The following PLCXD3 variants were observed in gnomAD, a reference collection of about 807,000 sequenced individuals.
PLCXD3 encodes the protein PI-PLC X domain-containing protein 3.
PLCXD3 carries 19 observed loss-of-function variants against 25.5 expected under a neutral mutation model. The observed-to-expected ratio is 0.75, with a 90% confidence interval of 0.52 to 1.09. The LOEUF (loss-of-function observed/expected upper bound fraction) is 1.09, where lower values mean the gene tolerates loss of function less well. PLCXD3 is among the 50% of genes least tolerant of loss of function. PLCXD3 has a pLI of 0.00. For synonymous variants in PLCXD3, 174 were observed against 137.6 expected, an observed-to-expected ratio of 1.26 and a Z score of -1.85; for missense variants, 411 against 388.1, an observed-to-expected ratio of 1.06 and a Z score of -0.50.
At position 41,382,320 on chromosome 5, in the gene PLCXD3, G is replaced by T; in HGVS notation, c.318C>A (p.Pro106=). The T allele has an allele frequency of 6.2e-7, 1 of 1,613,376 alleles. No homozygotes were observed. The highest frequency in any genetic ancestry group is 8.5e-7 in the Non-Finnish European group (1 of 1,179,694). The change falls in exon 2 of 3, where the codon CCC becomes CCA. Residue 106 remains proline (P), a synonymous_variant. Transcript: ENST00000377801. The part of the protein sequence containing the change: ...DLRISTKPRD[P]DNELYFAHGL... The stretch of plus-strand genomic sequence containing the variant: ...CATGAGCAAAATAGAGTTCATTGTC[G>T]GGGTCTCTGGGCTTGGTGGAAATTC...
intron 1 of PLCXD3, among the ~76,000 whole-genome samples, chr5:41,390,184 G>GT (rs545196395): frequency 5.3e-5 from 8 of 151,910 alleles, no homozygotes; most frequent in Non-Finnish European, 8.8e-5. Flanking sequence ...TGTATCAGTA[G>GT]TTTTTTTTCT....
chr5:41,313,507 T>C lies in PLCXD3; in HGVS notation c.*110A>G, dbSNP rs773941191. 6.7e-6 allele frequency: 9 copies of C among 1,345,100 alleles called. No individual in the cohort carries two copies. Among genetic ancestry groups the C allele is most frequent in the African/African-American group, 1.5e-5 (1 of 68,828 alleles). 83.3% of individuals were successfully genotyped at this position (1,345,100 alleles called of 1,614,324 possible). ...CCCTTTTCCCACCCACTACCAGCCCTATTCCCTTCAGAGACTCAGTGGAAT... is the reference window on the plus strand; with the variant it reads ...CCCTTTTCCCACCCACTACCAGCCCCATTCCCTTCAGAGACTCAGTGGAAT... On this transcript the variant is annotated 3_prime_UTR_variant, in exon 3 of 3. Transcript: ENST00000377801.
chr5:41,438,843 A>G (rs1362060989), intron 1 of PLCXD3, among the ~76,000 whole-genome samples: 3 of 152,146 alleles, frequency 2.0e-5, no homozygotes, highest in African/African-American at 4.8e-5. Flanking sequence ...TATATTGACT[A>G]AAGTCAGAGC....
At chr5:41,333,579 G>A (rs1293882588) in intron 2 of PLCXD3, among the ~76,000 whole-genome samples, 1 of 152,148 alleles carries the variant, frequency 6.6e-6, no homozygotes, top group Non-Finnish European at 1.5e-5. Flanking sequence ...ATTCATCTCT[G>A]TGTAGGAAGC....
chr5:41,353,845 A>G (rs1744541509), intron 2 of PLCXD3, among the ~76,000 whole-genome samples: 1 of 152,150 alleles, frequency 6.6e-6, no homozygotes, highest in South Asian at 2.1e-4. Context: ...TTATTTCTCT[A>G]CTGTGGGTAT....
chr5:41,432,967 T>A (rs1403699013), intron 1 of PLCXD3, among the ~76,000 whole-genome samples: 1 of 152,156 alleles, frequency 6.6e-6, no homozygotes, highest in Non-Finnish European at 1.5e-5. Flanking sequence ...CAGAACCAGT[T>A]TCTTATGTCA....
At chr5:41,321,577 C>A (rs948142144) in intron 2 of PLCXD3, among the ~76,000 whole-genome samples, 4 of 152,216 alleles carry the variant, frequency 2.6e-5, no homozygotes, top group Non-Finnish European at 5.9e-5. Context: ...ATAGAAAAAG[C>A]AAACCTAAAA....
chr5:41,329,950 A>G (rs1743744663), intron 2 of PLCXD3, among the ~76,000 whole-genome samples: 1 of 151,792 alleles, frequency 6.6e-6, no homozygotes, highest in Non-Finnish European at 1.5e-5. Flanking sequence ...CTTTATAACA[A>G]TTGTATTTCA....
At chr5:41,442,255 G>A (rs1747402314) in intron 1 of PLCXD3, among the ~76,000 whole-genome samples, 1 of 152,154 alleles carries the variant, frequency 6.6e-6, no homozygotes, top group Admixed American at 6.5e-5. Flanking sequence ...GATCTGACAA[G>A]GAGGCAAAAA....
chr5:41,470,195 A>C (rs1748119501), intron 1 of PLCXD3, among the ~76,000 whole-genome samples: 1 of 152,204 alleles, frequency 6.6e-6, no homozygotes, highest in Non-Finnish European at 1.5e-5. Context: ...AAAAACCATA[A>C]GAATTATGAT....
chr5:41,502,794 A>G (rs574185902), intron 1 of PLCXD3, among the ~76,000 whole-genome samples: 3 of 152,316 alleles, frequency 2.0e-5, no homozygotes, highest in Non-Finnish European at 2.9e-5. Flanking sequence ...CGTAGGACAG[A>G]AAAAGTGAGA....
chr5:41,350,150 T>C (rs1744411742), intron 2 of PLCXD3, among the ~76,000 whole-genome samples: 1 of 152,182 alleles, frequency 6.6e-6, no homozygotes, highest in Non-Finnish European at 1.5e-5. Flanking sequence ...CTCACGTTTT[T>C]AAGCCCAGTT....
chr5:41,320,507 A>C lies in PLCXD3; in HGVS notation c.813-6737T>G, dbSNP rs553166935. Among the ~76,000 whole-genome samples, 11 of 152,292 alleles carry C rather than the reference A, an allele frequency of 7.2e-5. No homozygotes were observed. The South Asian group carries it at 2.1e-3, about 29-fold the overall frequency. ...TAATGTTTTGGTTTTTTAATTTTTT[A>C]ATTTTTTGAGACGGAGTCTCGCTCT... is the stretch of plus-strand genomic sequence containing the variant. On this transcript the variant is annotated intron_variant, in intron 2 of 2. Transcript: ENST00000377801.
At chr5:41,487,776 TG>T (rs1748553996) in intron 1 of PLCXD3, among the ~76,000 whole-genome samples, 1 of 151,716 alleles carries the variant, frequency 6.6e-6, no homozygotes, top group Admixed American at 6.6e-5. Flanking sequence ...ACAAGAAGCC[TG>T]GAGGGTATGA....
At chr5:41,409,252 C>T (rs1357942375) in intron 1 of PLCXD3, among the ~76,000 whole-genome samples, 2 of 152,306 alleles carry the variant, frequency 1.3e-5, no homozygotes, top group African/African-American at 2.4e-5. Context: ...ACTGGATTAT[C>T]GGGAGCCTTG....
At position 41,460,625 on chromosome 5, in the gene PLCXD3, A is replaced by G. The variant is rs535980151; in HGVS notation, c.103+49799T>C. On this transcript the variant is annotated intron_variant, in intron 1 of 2. Coordinates refer to ENST00000377801, the MANE Select transcript of PLCXD3 (RefSeq NM_001005473.3). ...AGGAAATTAAGTGTGTTTGCACACA[A>G]ATAACTTTATCTAGTGAGCACTCAT... Among the ~76,000 whole-genome samples the G allele has an allele frequency of 2.6e-5, 4 of 152,130 alleles. No homozygotes were observed. The East Asian group carries it at 7.8e-4, about 30-fold the overall frequency.
chr5:41,436,066 T>C (rs1237950702), intron 1 of PLCXD3, among the ~76,000 whole-genome samples: 3 of 152,176 alleles, frequency 2.0e-5, no homozygotes, highest in Admixed American at 6.5e-5. Context: ...GAAGTTGGAA[T>C]TGGGCTGATA....
At chr5:41,446,176 C>CAAAAAAAAAA (rs70988847) in intron 1 of PLCXD3, among the ~76,000 whole-genome samples, 3,283 of 38,056 alleles carry the variant, frequency 0.086, 908 homozygotes, top group East Asian at 0.23. Context: ...GACTCCTTCT[C>CAAAAAAAAAA]AAAAAAAAAA....
chr5:41,343,488 G>T (rs1442196345), intron 2 of PLCXD3, among the ~76,000 whole-genome samples: 1 of 152,056 alleles, frequency 6.6e-6, no homozygotes, highest in African/African-American at 2.4e-5. Context: ...CAAAGTAAGT[G>T]ACTTATTTTG....
Sources: gnomAD v4.1 joint callset for allele counts (sites outside exome capture counted in the v4.1 genomes callset) on GRCh38, gnomAD v4.1.1 for gene constraint, MANE v1.5 for transcripts, NCBI Gene and HGNC (gene_info 2026-07-23, HGNC 2026-07-21) for gene names.